Variants in TEX261 observed in about 807,000 individuals in gnomAD.
TEX261 encodes protein TEX261.
Under a neutral mutation model 25.1 loss-of-function variants are expected in TEX261, and 13 were observed. The observed-to-expected ratio is 0.52, with a 90% CI of 0.34 to 0.82. The LOEUF (loss-of-function observed/expected upper bound fraction) is 0.82. Among genes scored for constraint, TEX261 ranks in the 40% least tolerant of loss-of-function variants. The pLI, the probability that TEX261 is intolerant of heterozygous loss-of-function variation, is 0.02. For missense variants in TEX261, 206 were observed against 243.2 expected (o/e 0.85, Z 1.02); for synonymous variants, 92 against 97.8 (o/e 0.94, Z 0.35).
In TEX261 at chr2:70,989,025, C is replaced by T; in HGVS notation, c.373-8G>A. The stretch of plus-strand genomic sequence containing the variant: ...AGTGAAATAGGCCAGGACCTGGCAA[C>T]AAGAGAGACTGAGAAGAGGGTGCCC... On this transcript the variant is annotated splice_region_variant and splice_polypyrimidine_tract_variant and intron_variant, in intron 4 of 5. Transcript: ENST00000272438. The T allele has an allele frequency of 6.2e-7, 1 of 1,611,202 alleles. No homozygotes were observed. Among genetic ancestry groups the T allele is most frequent in the African/African-American group, 1.3e-5 (1 of 75,034 alleles).
rs1299189984 is a variant in TEX261 at position 70,987,243 on chromosome 2, A to G, written c.*1357T>C. On this transcript the variant is annotated 3_prime_UTR_variant, in exon 6 of 6. Coordinates refer to ENST00000272438, the MANE Select transcript of TEX261 (RefSeq NM_144582.3). ...GCAATCTCGTTCACACTAAGAGGAG[A>G]CCAACATGTGCTCTTCCTCTCAGGG... The G allele has an allele frequency of 6.6e-6, 1 of 152,168 alleles. No individual in the cohort carries two copies. The highest frequency in any genetic ancestry group is 1.5e-5 in the Non-Finnish European group (1 of 68,052). The allele number at this position is 152,168 out of a possible 1,614,324, so 9.4% of individuals were successfully genotyped here.
Position 70,989,805 on chromosome 2 carries a change from C to T in TEX261, c.316G>A (p.Val106Met), listed in dbSNP as rs2104871217. The change falls in exon 4 of 6, where the codon GTG becomes ATG. Residue 106 changes from valine to methionine, a missense_variant. Val to Met is a conservative substitution (Grantham distance 21, BLOSUM62 1). Coordinates refer to ENST00000272438, the MANE Select transcript of TEX261 (RefSeq NM_144582.3). ...AACTGAAATGCTAGGTAATGATTCACCACCACTAGTCCTGTTGAGGGAATG... is the reference window on the plus strand; with the variant it reads ...AACTGAAATGCTAGGTAATGATTCATCACCACTAGTCCTGTTGAGGGAATG... ...NFILSCGLVV[V>M]NHYLAFQFFA... is the part of the protein sequence containing the mutation. 2.5e-6 allele frequency: 4 copies of T among 1,611,884 alleles called. No individual in the cohort carries two copies. In the South Asian group the frequency reaches 3.3e-5, roughly 13 times the overall value.
chr2:70,994,149 G>A (rs1353901195), intron 1 of TEX261, among the ~76,000 whole-genome samples: 17 of 152,234 alleles, frequency 1.1e-4, no homozygotes, highest in African/African-American at 3.9e-4. Flanking sequence ...CTTGGGAAAG[G>A]GAAGGGGAAC....
chr2:70,992,130 G>A, intron 2 of TEX261, 147 bp from the exon 3 acceptor site: 1 of 680,428 alleles, frequency 1.5e-6, no homozygotes, highest in Non-Finnish European at 2.2e-6. Context: ...TAGGTTCTCT[G>A]CTCCCAAAAG....
At position 70,994,825 on chromosome 2, in the gene TEX261, AGCCGCCACCGCCGCC is replaced by A. The variant is rs1346948307; in HGVS notation, c.-83_-69del. The A allele has an allele frequency of 6.9e-6, 9 of 1,309,754 alleles. No individual in the cohort carries two copies. Among genetic ancestry groups the A allele is most frequent in the Non-Finnish European group, 8.7e-6 (9 of 1,028,804 alleles). 81.1% of individuals were successfully genotyped at this position (1,309,754 alleles called of 1,614,324 possible). A position where few individuals can be genotyped will look rare whatever the true frequency, so the allele number is the denominator to read the frequency against. The stretch of plus-strand genomic sequence containing the variant: ...GCGCGCTTCGGCTCCGGCGACACAC[AGCCGCCACCGCCGCC>A]GCCGCCGCCGCGTCCCCGCCCCGCG... On this transcript the variant is annotated 5_prime_UTR_variant, in exon 1 of 6. Coordinates refer to ENST00000272438, the MANE Select transcript of TEX261 (RefSeq NM_144582.3).
chr2:70,990,877 G>C (rs1378492428), intron 3 of TEX261, among the ~76,000 whole-genome samples: 1 of 152,176 alleles, frequency 6.6e-6, no homozygotes, highest in Non-Finnish European at 1.5e-5. Context: ...TCCATGGAAG[G>C]GCTCCCTAAC....
chr2:70,994,716 G>A lies in TEX261; in HGVS notation c.42C>T (p.Ile14=), dbSNP rs374751880. 1.2e-6 allele frequency: 2 copies of A among 1,606,222 alleles called. No individual in the cohort carries two copies. Among genetic ancestry groups the A allele is most frequent in the Admixed American group, 1.7e-5 (1 of 59,202 alleles). ...CAGCCAGCGTGATGAAGGCCACCTGGATGAAGAGCGACAGCCAGCTCAGCA... is the reference window on the plus strand; with the variant it reads ...CAGCCAGCGTGATGAAGGCCACCTGAATGAAGAGCGACAGCCAGCTCAGCA... ...MYLLSWLSLF[I]QVAFITLAVA... Residue 14 remains isoleucine (I), a synonymous_variant, in exon 1 of 6, where the codon ATC becomes ATT. Coordinates refer to ENST00000272438, the MANE Select transcript of TEX261 (RefSeq NM_144582.3).
chr2:70,991,910 A>G lies in TEX261; in HGVS notation c.224T>C (p.Phe75Ser). 6.2e-7 allele frequency: 1 copy of G among 1,614,018 alleles called. No individual in the cohort carries two copies. The highest frequency in any genetic ancestry group is 8.5e-7 in the Non-Finnish European group (1 of 1,179,972). ...GAGGCCAAAGTAGACGAGGTTGGTG[A>G]ATAGGCCCACTCCAATCATGCTGGT... ...FPTSMIGVGL[F>S]TNLVYFGLLQ... Residue 75 changes from phenylalanine (F) to serine (S), a missense_variant, in exon 3 of 6, where the codon TTC becomes TCC. Transcript: ENST00000272438.
chr2:70,989,157 C>T (rs1670253663), intron 4 of TEX261, 140 bp from the exon 5 acceptor site: 3 of 698,578 alleles, frequency 4.3e-6, no homozygotes, highest in Non-Finnish European at 7.6e-6. Context: ...AAGCAGGGAA[C>T]GCCACCCTCA....
chr2:70,990,527 G>A (rs1018548959), intron 3 of TEX261, among the ~76,000 whole-genome samples: 1 of 152,156 alleles, frequency 6.6e-6, no homozygotes, highest in African/African-American at 2.4e-5. Context: ...TCAAGAGACA[G>A]TCATCCCTGC....
rs188535252 is a variant in TEX261 at position 70,986,404 on chromosome 2, C to T, written c.*2196G>A. The T allele has an allele frequency of 2.5e-3, 379 of 152,740 alleles. 2 individuals carry two copies. The highest frequency in any genetic ancestry group is 3.6e-3 in the Non-Finnish European group (243 of 68,120). The allele number at this position is 152,740 out of a possible 1,614,324, so 9.5% of individuals were successfully genotyped here. On this transcript the variant is annotated 3_prime_UTR_variant, in exon 6 of 6. Coordinates refer to ENST00000272438, the MANE Select transcript of TEX261 (RefSeq NM_144582.3). ...GCAGGGAGCCAAGGAAGGTTTTAGG[C>T]CAGAGAGTGACTTGATCAACTATGC... is the stretch of plus-strand genomic sequence containing the variant.
intron 3 of TEX261, among the ~76,000 whole-genome samples, chr2:70,990,262 GAGA>G (rs1670278049): frequency 1.3e-5 from 2 of 151,508 alleles, no homozygotes; most frequent in African/African-American, 4.9e-5. Flanking sequence ...GGGCAGCAAG[GAGA>G]AGGCCTGCTC....
At chr2:70,994,155 G>A (rs1168442874) in intron 1 of TEX261, among the ~76,000 whole-genome samples, 1 of 152,212 alleles carries the variant, frequency 6.6e-6, no homozygotes, top group Non-Finnish European at 1.5e-5. Flanking sequence ...AAAGGGAAGG[G>A]GAACAGTAGG....
In TEX261 at chr2:70,989,818, T is replaced by C. The variant is rs782579815; in HGVS notation, c.305-2A>G. 1.2e-6 allele frequency: 2 copies of C among 1,609,450 alleles called. No individual in the cohort carries two copies. The highest frequency in any genetic ancestry group is 1.1e-5 in the South Asian group (1 of 90,990). On this transcript the variant is annotated splice_acceptor_variant, in intron 3 of 5. Coordinates refer to ENST00000272438, the MANE Select transcript of TEX261 (RefSeq NM_144582.3). LOFTEE classifies it high-confidence loss of function. ...GGTAATGATTCACCACCACTAGTCCTGTTGAGGGAATGAAGAGTCAGTCAG... is the reference window on the plus strand; with the variant it reads ...GGTAATGATTCACCACCACTAGTCCCGTTGAGGGAATGAAGAGTCAGTCAG...
chr2:70,991,666 G>T, intron 3 of TEX261, 164 bp downstream of exon 3: 1 of 730,234 alleles, frequency 1.4e-6, no homozygotes, highest in Non-Finnish European at 2.2e-6. Context: ...AGCCAAGGTG[G>T]GCTCTAGAGT....
At chr2:70,994,334 G>A (rs1454532366) in intron 1 of TEX261, among the ~76,000 whole-genome samples, 1 of 152,274 alleles carries the variant, frequency 6.6e-6, no homozygotes, top group Non-Finnish European at 1.5e-5. Context: ...GGAGCATGAA[G>A]GGCCAGAGGC....
At position 70,988,639 on chromosome 2, in the gene TEX261, G is replaced by A. The variant is rs782095401; in HGVS notation, c.552C>T (p.Ile184=). ...RLGILVVFSF[I]KEAILPSRQK... ...GACGACTGGGTAGAATGGCCTCTTT[G>A]ATGAAGGAGAAGACAACCAGGATCC... is the stretch of plus-strand genomic sequence containing the variant. The change falls in exon 6 of 6, where the codon ATC becomes ATT. Residue 184 remains isoleucine, a synonymous_variant. Transcript: ENST00000272438. 6.2e-7 allele frequency: 1 copy of A among 1,614,196 alleles called. No individual in the cohort carries two copies. The highest frequency in any genetic ancestry group is 1.1e-5 in the South Asian group (1 of 91,080).
chr2:70,994,626 A>C (rs1456424053), intron 1 of TEX261, 62 bp downstream of exon 1: 1 of 1,551,164 alleles, frequency 6.4e-7, no homozygotes, highest in Non-Finnish European at 8.7e-7. Context: ...CCGCGATGCG[A>C]CCCCCAACGA....
In TEX261 at chr2:70,987,506, A is replaced by T. The variant is rs528591639; in HGVS notation, c.*1094T>A. The T allele has an allele frequency of 2.0e-5, 3 of 152,710 alleles. No individual in the cohort carries two copies. In the East Asian group the frequency reaches 5.8e-4, roughly 30 times the overall value. The allele number at this position is 152,710 out of a possible 1,614,324, so 9.5% of individuals were successfully genotyped here. A position where few individuals can be genotyped will look rare whatever the true frequency, so the allele number is the denominator to read the frequency against. On this transcript the variant is annotated 3_prime_UTR_variant, in exon 6 of 6. Coordinates refer to ENST00000272438, the MANE Select transcript of TEX261 (RefSeq NM_144582.3). ...GACTTCATTCCAATATGTACTGTTG[A>T]GCACTTGCAAGGCACTATAGTTGGA...
Sources: allele counts gnomAD v4.1 joint callset (sites outside exome capture counted in the v4.1 genomes callset), GRCh38; gene constraint gnomAD v4.1.1; transcripts MANE v1.5; gene names NCBI Gene and HGNC (gene_info 2026-07-23, HGNC 2026-07-21).